RASAL2: variants seen among roughly 807,000 people sequenced by gnomAD.
RASAL2 encodes the protein RAS protein activator like 2.
Under a neutral mutation model 128.9 loss-of-function variants are expected in RASAL2, and 58 were observed. The observed-to-expected ratio is 0.45, with a 90% CI of 0.36 to 0.56. RASAL2 has a LOEUF of 0.56. Among genes scored for constraint, RASAL2 ranks in the 20% least tolerant of loss-of-function variants. The probability of loss-of-function intolerance (pLI) is 0.00; values close to 1 mark genes in which losing one functional copy is unlikely to be tolerated. For synonymous variants in RASAL2, 561 were observed against 580.8 expected, an observed-to-expected ratio of 0.97 and a Z score of 0.49; for missense variants, 1,360 against 1,601.6, an observed-to-expected ratio of 0.85 and a Z score of 2.57.
At chr1:178,299,045 T>C (rs1010270046) in intron 2 of RASAL2, among the ~76,000 whole-genome samples, 2 of 152,180 alleles carry the variant, frequency 1.3e-5, no homozygotes, top group East Asian at 3.8e-4. Flanking sequence ...ATAGTTCTCA[T>C]TCCACTTGAT....
At chr1:178,352,170 A>G (rs1261534300) in intron 3 of RASAL2, among the ~76,000 whole-genome samples, 6 of 152,234 alleles carry the variant, frequency 3.9e-5, no homozygotes, top group African/African-American at 9.6e-5. Context: ...GAGAATTACT[A>G]TATTTTGTAA....
chr1:178,136,835 A>G (rs1202164123), intron 1 of RASAL2, among the ~76,000 whole-genome samples: 2 of 150,022 alleles, frequency 1.3e-5, no homozygotes, highest in Non-Finnish European at 3.0e-5. Flanking sequence ...CTGATGAGAT[A>G]TATTTAAACT....
At chr1:178,393,023 C>T (rs1184864928) in intron 4 of RASAL2, among the ~76,000 whole-genome samples, 1 of 152,058 alleles carries the variant, frequency 6.6e-6, no homozygotes, top group Non-Finnish European at 1.5e-5. Context: ...GCTACTGAAC[C>T]TGTAGGTTAA....
rs192603913 is a variant in RASAL2 at position 178,258,110 on chromosome 1, C to T, written c.203-25454C>T. On this transcript the variant is annotated intron_variant, in intron 1 of 17. Transcript: ENST00000367649. ...GAGATGGGAGACGATCCTGGCTAAA[C>T]GGTGAAACCCCGTCTCTACTAAAAA... Among the ~76,000 whole-genome samples the T allele has an allele frequency of 1.4e-3, 209 of 151,674 alleles. 1 individual carries two copies. Among genetic ancestry groups the T allele is most frequent in the African/African-American group, 4.5e-3 (187 of 41,402 alleles).
At chr1:178,408,485 T>C (rs983952183) in intron 4 of RASAL2, among the ~76,000 whole-genome samples, 1 of 152,188 alleles carries the variant, frequency 6.6e-6, no homozygotes, top group Non-Finnish European at 1.5e-5. Flanking sequence ...AATAAGGTTT[T>C]GATTTTACTT....
intron 1 of RASAL2, among the ~76,000 whole-genome samples, chr1:178,165,733 A>G (rs974380131): frequency 2.6e-5 from 4 of 152,158 alleles, no homozygotes; most frequent in Non-Finnish European, 4.4e-5. Flanking sequence ...TATTCAATGA[A>G]TGTTTGAGTT....
At chr1:178,186,643 C>T (rs572523949) in intron 1 of RASAL2, among the ~76,000 whole-genome samples, 6 of 152,014 alleles carry the variant, frequency 3.9e-5, no homozygotes, top group Non-Finnish European at 7.4e-5. Context: ...TACTTACCCT[C>T]CTCTGGCTGT....
At chr1:178,315,586 T>C (rs1468333626) in intron 3 of RASAL2, among the ~76,000 whole-genome samples, 1 of 139,860 alleles carries the variant, frequency 7.2e-6, no homozygotes, top group Non-Finnish European at 1.5e-5. Flanking sequence ...CATAAATGTC[T>C]TCTTTTGAGA....
chr1:178,270,841 T>C (rs565021492), intron 1 of RASAL2, among the ~76,000 whole-genome samples: 2 of 152,280 alleles, frequency 1.3e-5, no homozygotes, highest in East Asian at 3.9e-4. Context: ...TATCTTTAGT[T>C]CTTTTCTCTT....
intron 10 of RASAL2, among the ~76,000 whole-genome samples, chr1:178,451,987 T>C (rs937766290): frequency 9.9e-5 from 15 of 152,172 alleles, no homozygotes; most frequent in African/African-American, 3.4e-4. Context: ...ATCAAAAGTA[T>C]TTCTTTTGCT....
chr1:178,359,713 C>G (rs528366613), intron 3 of RASAL2, among the ~76,000 whole-genome samples: 1 of 152,254 alleles, frequency 6.6e-6, no homozygotes, highest in South Asian at 2.1e-4. Context: ...TTATTCTATG[C>G]TGTAGTCAGA....
chr1:178,476,148 C>T lies in RASAL2; in HGVS notation c.*2909C>T, dbSNP rs1648656840. ...CTTGCACTTCCTGTTTCCCTCAAAA[C>T]AACACCACATTGTGGGGCGCAGGAT... is the stretch of plus-strand genomic sequence containing the variant. On this transcript the variant is annotated 3_prime_UTR_variant, in exon 18 of 18. Transcript: ENST00000367649. 1 of 152,196 alleles carries T rather than the reference C, an allele frequency of 6.6e-6. No homozygotes were observed. 9.4% of individuals were successfully genotyped at this position (152,196 alleles called of 1,614,324 possible). A position where few individuals can be genotyped will look rare whatever the true frequency, so the allele number is the denominator to read the frequency against.
intron 1 of RASAL2, among the ~76,000 whole-genome samples, chr1:178,276,007 A>G (rs1047773194): frequency 1.1e-4 from 16 of 152,216 alleles, no homozygotes; most frequent in African/African-American, 3.9e-4. Context: ...TAAGACTTGT[A>G]TTTCCATGAA....
At chr1:178,239,290 A>G (rs1664390681) in intron 1 of RASAL2, among the ~76,000 whole-genome samples, 1 of 152,104 alleles carries the variant, frequency 6.6e-6, no homozygotes, top group South Asian at 2.1e-4. Context: ...TTCTGAAGTA[A>G]AGTGGTATCT....
At chr1:178,129,748 G>A (rs998380797) in intron 1 of RASAL2, among the ~76,000 whole-genome samples, 2 of 151,600 alleles carry the variant, frequency 1.3e-5, no homozygotes, top group Non-Finnish European at 2.9e-5. Context: ...GTTAATTTTT[G>A]TGTATGATTA....
intron 1 of RASAL2, among the ~76,000 whole-genome samples, chr1:178,150,878 A>G (rs1482131351): frequency 6.6e-6 from 1 of 152,164 alleles, no homozygotes; most frequent in Non-Finnish European, 1.5e-5. Flanking sequence ...TATACTGTAA[A>G]TAAGCATCCT....
chr1:178,162,713 A>T (rs962384207), intron 1 of RASAL2, among the ~76,000 whole-genome samples: 10 of 149,336 alleles, frequency 6.7e-5, no homozygotes, highest in Non-Finnish European at 1.0e-4. Context: ...TCAGCCTCTC[A>T]AGTAGCTAGG....
chr1:178,254,317 T>C (rs1665212067), intron 1 of RASAL2, among the ~76,000 whole-genome samples: 1 of 152,216 alleles, frequency 6.6e-6, no homozygotes, highest in Non-Finnish European at 1.5e-5. Flanking sequence ...TATTATATAC[T>C]CATAATATTT....
intron 1 of RASAL2, among the ~76,000 whole-genome samples, chr1:178,217,380 T>C (rs1663456306): frequency 1.3e-5 from 2 of 152,184 alleles, no homozygotes; most frequent in South Asian, 4.1e-4. Flanking sequence ...GCCCTCCTAC[T>C]AGAACTTCTC....
Sources: allele counts gnomAD v4.1 joint callset (sites outside exome capture counted in the v4.1 genomes callset), GRCh38; gene constraint gnomAD v4.1.1; transcripts MANE v1.5; gene names NCBI Gene and HGNC (gene_info 2026-07-23, HGNC 2026-07-21).